Variants in SH3PXD2A observed in about 807,000 individuals in gnomAD.
The protein encoded by SH3PXD2A is SH3 and PX domain-containing protein 2A.
Under a neutral mutation model 115.2 loss-of-function variants are expected in SH3PXD2A, and 32 were observed. The observed-to-expected ratio is 0.28, with a 90% CI of 0.21 to 0.37. The LOEUF (loss-of-function observed/expected upper bound fraction) is 0.37. SH3PXD2A is among the 10% of genes least tolerant of loss of function. The probability of loss-of-function intolerance (pLI) is 1.00; values close to 1 mark genes in which losing one functional copy is unlikely to be tolerated. For missense variants in SH3PXD2A, 1,328 were observed against 1,498.7 expected, an observed-to-expected ratio of 0.89 and a Z score of 1.88; for synonymous variants, 610 against 629.1, an observed-to-expected ratio of 0.97 and a Z score of 0.45.
intron 1 of SH3PXD2A, among the ~76,000 whole-genome samples, chr10:103,847,590 A>G (rs1418618856): frequency 6.6e-6 from 1 of 152,118 alleles, no homozygotes; most frequent in African/African-American, 2.4e-5. Flanking sequence ...CTTTTGAAGC[A>G]CTGGGATTAC....
intron 2 of SH3PXD2A, among the ~76,000 whole-genome samples, chr10:103,778,230 G>A (rs1334252000): frequency 6.6e-6 from 1 of 152,210 alleles, no homozygotes; most frequent in Non-Finnish European, 1.5e-5. Context: ...CTACTCGGGA[G>A]GCTGAGGCAG....
chr10:103,650,060 A>G (rs2037095687), intron 8 of SH3PXD2A, among the ~76,000 whole-genome samples: 1 of 152,176 alleles, frequency 6.6e-6, no homozygotes, highest in Non-Finnish European at 1.5e-5. Context: ...AGGAGAGGGG[A>G]GTTAGAAAAA....
chr10:103,654,676 C>CA (rs1274203725), intron 8 of SH3PXD2A, among the ~76,000 whole-genome samples: 1 of 152,152 alleles, frequency 6.6e-6, no homozygotes, highest in Non-Finnish European at 1.5e-5. Context: ...CTCAACCTCC[C>CA]AAAGTTTTGG....
intron 6 of SH3PXD2A, among the ~76,000 whole-genome samples, chr10:103,680,422 G>T (rs970580486): frequency 2.0e-5 from 3 of 151,834 alleles, no homozygotes; most frequent in African/African-American, 7.3e-5. Flanking sequence ...GAAACCACAG[G>T]TGTGTGCCAC....
intron 1 of SH3PXD2A, among the ~76,000 whole-genome samples, chr10:103,837,649 G>A (rs1226163401): frequency 6.6e-6 from 1 of 152,140 alleles, no homozygotes; most frequent in Non-Finnish European, 1.5e-5. Context: ...GGGACGTGGG[G>A]CAGGCATCAA....
intron 2 of SH3PXD2A, among the ~76,000 whole-genome samples, chr10:103,789,352 G>C (rs1316987210): frequency 1.3e-5 from 2 of 152,204 alleles, no homozygotes; most frequent in Non-Finnish European, 2.9e-5. Context: ...TGCTCTGCCA[G>C]CTGAGGGCTC....
At chr10:103,624,578 T>C (rs2036662482) in intron 9 of SH3PXD2A, among the ~76,000 whole-genome samples, 1 of 152,226 alleles carries the variant, frequency 6.6e-6, no homozygotes, top group Admixed American at 6.5e-5. Context: ...AGCATGAACA[T>C]ACATCAAAGT....
intron 6 of SH3PXD2A, among the ~76,000 whole-genome samples, chr10:103,675,230 C>G (rs893416881): frequency 2.0e-5 from 3 of 152,224 alleles, no homozygotes; most frequent in African/African-American, 7.2e-5. Context: ...AGGGTCCCTG[C>G]AGCTGATTTA....
At chr10:103,716,883 G>A (rs930292687) in intron 5 of SH3PXD2A, among the ~76,000 whole-genome samples, 13 of 152,240 alleles carry the variant, frequency 8.5e-5, no homozygotes, top group African/African-American at 2.2e-4. Flanking sequence ...AGTGGAGAAC[G>A]TGTGTATGTA....
rs2037380941 is a variant in SH3PXD2A at position 103,666,132 on chromosome 10, A to G, written c.472+2476T>C. On this transcript the variant is annotated intron_variant, in intron 7 of 14. Transcript: ENST00000369774. This position sits in a 1 kb window ranked among gnomAD's most constrained non-coding sequence, Gnocchi z 4.5. ...CCTTCCACGGCTCCCTCTTGCCTAT[A>G]AAGGACAAATTCAAGCCCAGTCTTT... 6.6e-6 allele frequency among the ~76,000 whole-genome samples: 1 copy of G among 152,154 alleles called. No homozygotes were observed. Among genetic ancestry groups the G allele is most frequent in the Non-Finnish European group, 1.5e-5 (1 of 68,030 alleles).
At chr10:103,679,056 G>A (rs949230872) in intron 6 of SH3PXD2A, among the ~76,000 whole-genome samples, 2 of 152,170 alleles carry the variant, frequency 1.3e-5, no homozygotes, top group African/African-American at 4.8e-5. Context: ...CCTCTGCACA[G>A]GTACTGTCCT....
chr10:103,823,359 G>A (rs532235643), intron 1 of SH3PXD2A, among the ~76,000 whole-genome samples: 43 of 152,342 alleles, frequency 2.8e-4, no homozygotes, highest in Non-Finnish European at 5.0e-4. Flanking sequence ...ATTCAGGCCA[G>A]AGTTGACCCT....
In SH3PXD2A at chr10:103,724,911, C is replaced by T. The variant is rs192696505; in HGVS notation, c.307-550G>A. Among the ~76,000 whole-genome samples, 73 of 152,344 alleles carry T rather than the reference C, an allele frequency of 4.8e-4. 1 individual carries two copies. The highest frequency in any genetic ancestry group is 1.7e-3 in the African/African-American group (72 of 41,584). ...CACAGAATAAGTCCAAGATCCATAA[C>T]CTAACAGTCCAAGGTCACGTCCTCC... On this transcript the variant is annotated intron_variant, in intron 4 of 14. Transcript: ENST00000369774.
rs1300567259 is a variant in SH3PXD2A, at chr10:103,784,034, G to T, written c.154-16865C>A. ...GCTTGCTGTCTTCCAAGCCCACCCTGGTGCCCAGCTGCAGGCTACTTCTCC... is the reference window on the plus strand; with the variant it reads ...GCTTGCTGTCTTCCAAGCCCACCCTTGTGCCCAGCTGCAGGCTACTTCTCC... On this transcript the variant is annotated intron_variant, in intron 2 of 14. Transcript: ENST00000369774. This position sits in a 1 kb window ranked among gnomAD's most constrained non-coding sequence, Gnocchi z 4.4. Among the ~76,000 whole-genome samples the T allele has an allele frequency of 6.6e-6, 1 of 152,246 alleles. No homozygotes were observed. Among genetic ancestry groups the T allele is most frequent in the East Asian group, 1.9e-4 (1 of 5,198 alleles).
In SH3PXD2A at chr10:103,603,092, G is replaced by C; in HGVS notation, c.2126C>G (p.Ser709Cys). The change falls in exon 15 of 15, where the codon TCT becomes TGT. Residue 709 changes from serine (S) to cysteine (C), a missense_variant. By Grantham distance (112) the Ser-to-Cys change is moderately radical. Around this residue, in one of 5 missense-constraint regions of SH3PXD2A, gnomAD observed 574 missense variants for 565.7 expected, o/e 1.01. Transcript: ENST00000369774. ...GTCGCCACTGGTTTTGGACAAGGAA[G>C]AGGAGGAGGAGGAAGAGGAGGAGCA... ...TCCSSSSSSSSSLSKTSGDLK... is the reference protein window; with the variant it reads ...TCCSSSSSSSCSLSKTSGDLK... 2 of 1,611,574 alleles carry C rather than the reference G, an allele frequency of 1.2e-6. No individual in the cohort carries two copies. Among genetic ancestry groups the C allele is most frequent in the Non-Finnish European group, 1.7e-6 (2 of 1,179,248 alleles).
rs532930432 is a variant in SH3PXD2A at position 103,672,064 on chromosome 10, C to T, written c.428-3412G>A. On this transcript the variant is annotated intron_variant, in intron 6 of 14. Transcript: ENST00000369774. ...ACTTTGGAGGCCGAGGTGGGTGGAT[C>T]ACTGGAGGTTAGGAGTTCGAGACCA... Among the ~76,000 whole-genome samples, 245 of 152,290 alleles carry T rather than the reference C, an allele frequency of 1.6e-3. 1 individual carries two copies. The highest frequency in any genetic ancestry group is 5.7e-3 in the African/African-American group (236 of 41,552).
intron 8 of SH3PXD2A, among the ~76,000 whole-genome samples, chr10:103,651,064 G>A (rs140909084): frequency 2.6e-5 from 4 of 152,352 alleles, no homozygotes; most frequent in African/African-American, 9.6e-5. Flanking sequence ...TGGGGTAGGG[G>A]TGCGGAAGGA....
Position 103,855,287 on chromosome 10 carries a change from G to C in SH3PXD2A, c.-21C>G. 1.3e-6 allele frequency: 2 copies of C among 1,500,430 alleles called. No homozygotes were observed. The highest frequency in any genetic ancestry group is 1.7e-4 in the Middle Eastern group (1 of 5,846). The allele number at this position is 1,500,430 out of a possible 1,614,324, so 92.9% of individuals were successfully genotyped here. A position where few individuals can be genotyped will look rare whatever the true frequency, so the allele number is the denominator to read the frequency against. On this transcript the variant is annotated 5_prime_UTR_variant, in exon 1 of 15. Transcript: ENST00000369774. Reference sequence around the variant, plus strand: ...AGCATCTTCCCCCACAAAGCGAGTGGCGCCCCCGGCGGCGTCACCTTCTCA... The same window carrying C: ...AGCATCTTCCCCCACAAAGCGAGTGCCGCCCCCGGCGGCGTCACCTTCTCA...
chr10:103,844,764 G>T (rs1842823869), intron 1 of SH3PXD2A, among the ~76,000 whole-genome samples: 1 of 152,132 alleles, frequency 6.6e-6, no homozygotes, highest in South Asian at 2.1e-4. Flanking sequence ...AGTCAAATGG[G>T]GTTAAAAATG....
Sources: gnomAD v4.1 joint callset for allele counts (sites outside exome capture counted in the v4.1 genomes callset) on GRCh38, gnomAD v4.1.1 for gene constraint, gnomAD v4.1.1 regional missense constraint, Gnocchi (gnomAD v3.1) non-coding constraint, MANE v1.5 for transcripts, NCBI Gene and HGNC (gene_info 2026-07-23, HGNC 2026-07-21) for gene names.